LSM3: variants seen among roughly 807,000 people sequenced by gnomAD.
LSM3 encodes U6 snRNA-associated Sm-like protein LSm3.
A neutral mutation model predicts 15.4 loss-of-function variants in LSM3; 14 were observed. The observed-to-expected ratio is 0.91, with a 90% CI of 0.60 to 1.42. The LOEUF is 1.42. Among genes scored for constraint, LSM3 ranks in the 40% most tolerant of loss-of-function variants. LSM3 has a pLI of 0.00. For missense variants in LSM3, 88 were observed against 127.9 expected, an observed-to-expected ratio of 0.69 and a Z score of 1.50; for synonymous variants, 46 against 45.1, an observed-to-expected ratio of 1.02 and a Z score of -0.08.
intron 1 of LSM3, 143 bp downstream of exon 1, chr3:14,179,024 C>T: frequency 1.2e-6 from 1 of 850,228 alleles, no homozygotes; most frequent in Non-Finnish European, 1.9e-6. Context: ...AACCCCCCCT[C>T]CGAATTTTGC....
chr3:14,189,799 T>C (rs1189302657), intron 3 of LSM3, among the ~76,000 whole-genome samples: 1 of 152,262 alleles, frequency 6.6e-6, no homozygotes, highest in Non-Finnish European at 1.5e-5. Context: ...ATCTTTAGTT[T>C]AATTAGATCC....
intron 1 of LSM3, among the ~76,000 whole-genome samples, chr3:14,180,840 TTTTTTTTTTTTTTTTTTAAA>T (rs1697029713): frequency 1.6e-5 from 2 of 126,240 alleles, no homozygotes; most frequent in African/African-American, 3.3e-5. Context: ...TTTTTTTTTT[TTTTTTTTTTTTTTTTTTAAA>T]AAAAAAAAAG....
Position 14,198,309 on chromosome 3 carries a change from C to G in LSM3, c.*193C>G. Reference sequence around the variant, plus strand: ...TAAGCTAAATGGTATTTTCATTTTTCTCAAGCTCTCCAATAAATATGACCA... The same window carrying G: ...TAAGCTAAATGGTATTTTCATTTTTGTCAAGCTCTCCAATAAATATGACCA... On this transcript the variant is annotated 3_prime_UTR_variant, in exon 4 of 4. Transcript: ENST00000306024. 1.8e-6 allele frequency: 1 copy of G among 548,216 alleles called. No homozygotes were observed. The highest frequency in any genetic ancestry group is 3.2e-6 in the Non-Finnish European group (1 of 310,022). 34.0% of individuals were successfully genotyped at this position (548,216 alleles called of 1,614,324 possible). A position where few individuals can be genotyped will look rare whatever the true frequency, so the allele number is the denominator to read the frequency against.
At position 14,197,197 on chromosome 3, in the gene LSM3, T is replaced by A. The variant is rs1453428189; in HGVS notation, c.229-839T>A. ...ACCCTGTGAATCCTGTTTCTTTTCA[T>A]CTCTGCTTGAAAACCAACTAGTTCT... On this transcript the variant is annotated intron_variant, in intron 3 of 3. Coordinates refer to ENST00000306024, the MANE Select transcript of LSM3 (RefSeq NM_014463.3). Among the ~76,000 whole-genome samples, 4 of 152,232 alleles carry A rather than the reference T, an allele frequency of 2.6e-5. No individual in the cohort carries two copies. The East Asian group carries it at 7.7e-4, about 29-fold the overall frequency.
At chr3:14,194,494 G>A (rs1016264761) in intron 3 of LSM3, among the ~76,000 whole-genome samples, 2 of 152,098 alleles carry the variant, frequency 1.3e-5, no homozygotes, top group African/African-American at 4.8e-5. Context: ...GATTCTAGGA[G>A]GACAGTCCAT....
chr3:14,183,261 G>C (rs539128674), intron 2 of LSM3, among the ~76,000 whole-genome samples: 1 of 152,344 alleles, frequency 6.6e-6, no homozygotes. Context: ...CACGTTGTTA[G>C]AAGTAAACTT....
intron 3 of LSM3, 38 bp downstream of exon 3, chr3:14,184,070 C>A: frequency 6.3e-7 from 1 of 1,578,774 alleles, no homozygotes; most frequent in Non-Finnish European, 8.6e-7. Context: ...TTGCAAATAT[C>A]AGCTGTTCTC....
At chr3:14,187,484 G>A (rs2125057983) in intron 3 of LSM3, among the ~76,000 whole-genome samples, 1 of 152,304 alleles carries the variant, frequency 6.6e-6, no homozygotes, top group South Asian at 2.1e-4. Context: ...GTGTAAATGT[G>A]TATTAACTAT....
chr3:14,193,705 C>T (rs2124827357), intron 3 of LSM3, among the ~76,000 whole-genome samples: 1 of 152,172 alleles, frequency 6.6e-6, no homozygotes, highest in East Asian at 1.9e-4. Flanking sequence ...TCTTAGCTTC[C>T]TTGCATTGAG....
At chr3:14,179,257 T>C (rs762137446) in intron 1 of LSM3, among the ~76,000 whole-genome samples, 5 of 152,250 alleles carry the variant, frequency 3.3e-5, no homozygotes, top group Non-Finnish European at 7.3e-5. Context: ...CTTTGTATGG[T>C]TAGGCACTGT....
chr3:14,197,982 A>G lies in LSM3; in HGVS notation c.229-54A>G, dbSNP rs772234924. The G allele has an allele frequency of 2.1e-5, 29 of 1,397,834 alleles. No individual in the cohort carries two copies. The Admixed American group carries it at 3.0e-4, about 14-fold the overall frequency. The allele number at this position is 1,397,834 out of a possible 1,614,324, so 86.6% of individuals were successfully genotyped here. ...TTTTTTAACATTTCTGTCACAAACA[A>G]TAAGCAGTAATACACAGTTGTACAA... On this transcript the variant is annotated intron_variant, in intron 3 of 3. Coordinates refer to ENST00000306024, the MANE Select transcript of LSM3 (RefSeq NM_014463.3).
chr3:14,197,942 G>T, intron 3 of LSM3, 94 bp from the exon 4 acceptor site: 1 of 1,089,124 alleles, frequency 9.2e-7, no homozygotes. Context: ...ATTTTTTTGT[G>T]TCATGATGAA....
At chr3:14,187,276 G>T (rs1697097945) in intron 3 of LSM3, among the ~76,000 whole-genome samples, 1 of 152,206 alleles carries the variant, frequency 6.6e-6, no homozygotes, top group Non-Finnish European at 1.5e-5. Flanking sequence ...AAGATTAATT[G>T]CTGCCTTGAA....
At chr3:14,184,175 C>A in intron 3 of LSM3, 143 bp downstream of exon 3, 1 of 1,130,368 alleles carries the variant, frequency 8.8e-7, no homozygotes, top group Non-Finnish European at 1.1e-6. Context: ...AGCAAGGGTT[C>A]TGGCATCTGA....
At chr3:14,194,570 G>A (rs1024206776) in intron 3 of LSM3, among the ~76,000 whole-genome samples, 4 of 151,966 alleles carry the variant, frequency 2.6e-5, no homozygotes, top group African/African-American at 9.7e-5. Context: ...CACTCTAAAT[G>A]TTTGTATGAG....
chr3:14,185,215 G>A (rs1465432853), intron 3 of LSM3, among the ~76,000 whole-genome samples: 2 of 151,940 alleles, frequency 1.3e-5, no homozygotes, highest in African/African-American at 2.4e-5. Context: ...AGCCGGCCGT[G>A]GCGGCAGGCA....
In LSM3 at chr3:14,198,158, C is replaced by A; in HGVS notation, c.*42C>A. ...TGTATGGAAAACGGGAGACTTTGTACAGTGGCCTCTCTAAAAGTACAAAAC... is the reference window on the plus strand; with the variant it reads ...TGTATGGAAAACGGGAGACTTTGTAAAGTGGCCTCTCTAAAAGTACAAAAC... On this transcript the variant is annotated 3_prime_UTR_variant, in exon 4 of 4. Coordinates refer to ENST00000306024, the MANE Select transcript of LSM3 (RefSeq NM_014463.3). The A allele has an allele frequency of 7.1e-7, 1 of 1,414,050 alleles. No homozygotes were observed. Among genetic ancestry groups the A allele is most frequent in the Non-Finnish European group, 1.0e-6 (1 of 1,000,358 alleles). The allele number at this position is 1,414,050 out of a possible 1,614,324, so 87.6% of individuals were successfully genotyped here.
In LSM3 at chr3:14,179,100, AT is replaced by A. The variant is rs3731053; in HGVS notation, c.21+226del. The stretch of plus-strand genomic sequence containing the variant: ...TGACTATTCTCACACTCTTCGCTTC[AT>A]TTTTTTAAATCTGTAGATTATTATC... On this transcript the variant is annotated intron_variant, in intron 1 of 3. Transcript: ENST00000306024. Among the ~76,000 whole-genome samples, 364 of 152,200 alleles carry A rather than the reference AT, an allele frequency of 2.4e-3. 1 individual carries two copies. The highest frequency in any genetic ancestry group is 8.3e-3 in the African/African-American group (344 of 41,528).
rs763572188 is a variant in LSM3 at position 14,199,339 on chromosome 3, A to C, written c.*1223A>C. 5 of 152,234 alleles carry C rather than the reference A, an allele frequency of 3.3e-5. No homozygotes were observed. The highest frequency in any genetic ancestry group is 7.3e-5 in the Non-Finnish European group (5 of 68,042). The allele number at this position is 152,234 out of a possible 1,614,324, so 9.4% of individuals were successfully genotyped here. ...ACAATCTCTCAAACTTTATCAAGACAGGGCTTAGAACCTGACATCCTCCGC... is the reference window on the plus strand; with the variant it reads ...ACAATCTCTCAAACTTTATCAAGACCGGGCTTAGAACCTGACATCCTCCGC... On this transcript the variant is annotated 3_prime_UTR_variant, in exon 4 of 4. Coordinates refer to ENST00000306024, the MANE Select transcript of LSM3 (RefSeq NM_014463.3).
Sources: gnomAD v4.1 joint callset for allele counts (sites outside exome capture counted in the v4.1 genomes callset) on GRCh38, gnomAD v4.1.1 for gene constraint, MANE v1.5 for transcripts, NCBI Gene and HGNC (gene_info 2026-07-23, HGNC 2026-07-21) for gene names.